NALF1: variants seen among roughly 807,000 people sequenced by gnomAD.
NALF1 encodes family with sequence similarity 155 member A.
In NALF1, 3 loss-of-function variants were observed where a neutral mutation model predicts 48.4. That is an observed-to-expected ratio of 0.06 (90% confidence interval 0.03 to 0.16). The LOEUF (loss-of-function observed/expected upper bound fraction) is 0.16, where lower values mean the gene tolerates loss of function less well. NALF1 is among the 10% of genes least tolerant of loss of function. The pLI is 1.00. For synonymous variants in NALF1, 262 were observed against 245.7 expected, an observed-to-expected ratio of 1.07 and a Z score of -0.62; for missense variants, 526 against 571.5, an observed-to-expected ratio of 0.92 and a Z score of 0.81.
At chr13:107,535,921 T>C (rs1429865052) in intron 1 of NALF1, among the ~76,000 whole-genome samples, 1 of 152,064 alleles carries the variant, frequency 6.6e-6, no homozygotes, top group East Asian at 1.9e-4. Context: ...GTAATAATAC[T>C]ACACATCTAC....
chr13:107,700,760 A>G (rs565739295), intron 1 of NALF1, among the ~76,000 whole-genome samples: 1 of 152,248 alleles, frequency 6.6e-6, no homozygotes, highest in East Asian at 1.9e-4. Context: ...CAAAATTTAT[A>G]AAGAACTCTT....
intron 1 of NALF1, among the ~76,000 whole-genome samples, chr13:107,702,744 T>G (rs1365949896): frequency 6.6e-6 from 1 of 152,138 alleles, no homozygotes; most frequent in African/African-American, 2.4e-5. Context: ...TCCCCCCATG[T>G]GTCCCTGTGT....
intron 1 of NALF1, among the ~76,000 whole-genome samples, chr13:107,303,124 G>A (rs949879895): frequency 1.3e-5 from 2 of 151,908 alleles, no homozygotes; most frequent in Non-Finnish European, 2.9e-5. Context: ...ATTTTTATTC[G>A]ACTTCCCTAA....
chr13:107,608,066 T>C (rs938484044), intron 1 of NALF1, among the ~76,000 whole-genome samples: 2 of 152,192 alleles, frequency 1.3e-5, no homozygotes, highest in South Asian at 2.1e-4. Flanking sequence ...ATTTCTCCCA[T>C]TAAAAGGTAA....
chr13:107,659,985 C>A (rs2138475803), intron 1 of NALF1, among the ~76,000 whole-genome samples: 1 of 151,826 alleles, frequency 6.6e-6, no homozygotes, highest in African/African-American at 2.4e-5. Flanking sequence ...CCTGCCTTGG[C>A]CTCCCAAAGT....
chr13:107,618,864 C>G (rs1251702419), intron 1 of NALF1, among the ~76,000 whole-genome samples: 1 of 152,130 alleles, frequency 6.6e-6, no homozygotes, highest in African/African-American at 2.4e-5. Flanking sequence ...TGGAGATGGG[C>G]TAAGATATAG....
intron 1 of NALF1, among the ~76,000 whole-genome samples, chr13:107,521,924 TACAC>T (rs894148949): frequency 3.7e-4 from 55 of 148,356 alleles, no homozygotes; most frequent in Admixed American, 1.8e-3. Context: ...TTCTTCAACT[TACAC>T]ACACACACAC....
At chr13:107,531,068 A>G (rs1472945757) in intron 1 of NALF1, 1 of 156,052 alleles carries the variant, frequency 6.4e-6, no homozygotes, top group Non-Finnish European at 1.5e-5. Context: ...GCATTCCTAT[A>G]TTAGGAATTA....
intron 1 of NALF1, among the ~76,000 whole-genome samples, chr13:107,834,635 C>T (rs1203566501): frequency 4.5e-4 from 68 of 152,108 alleles, no homozygotes; most frequent in Non-Finnish European, 4.4e-5. Context: ...GAAAAATTTA[C>T]TGTGATTTTT....
chr13:107,807,199 T>C (rs1240620684), intron 1 of NALF1, among the ~76,000 whole-genome samples: 3 of 152,196 alleles, frequency 2.0e-5, no homozygotes, highest in African/African-American at 7.2e-5. Context: ...TTATTCAGCT[T>C]CGTAAAAGTT....
chr13:107,282,314 C>T, intron 1 of NALF1, among the ~76,000 whole-genome samples: 1 of 152,158 alleles, frequency 6.6e-6, no homozygotes, highest in Admixed American at 6.5e-5. Flanking sequence ...GAATGTTATC[C>T]AGAGAGCAAA....
rs1878744598 is a variant in NALF1, at chr13:107,169,460, C to CTA, written c.*1035_*1036dup. ...TAATTACAATGGCCAAAATGTGCTC[C>CTA]TATATTACTGCAACAGAACAAAAAT... On this transcript the variant is annotated 3_prime_UTR_variant, in exon 3 of 3. Transcript: ENST00000375915. 6.6e-6 allele frequency: 1 copy of CTA among 152,024 alleles called. No individual in the cohort carries two copies. 9.4% of individuals were successfully genotyped at this position (152,024 alleles called of 1,614,324 possible). A position where few individuals can be genotyped will look rare whatever the true frequency, so the allele number is the denominator to read the frequency against.
rs919832587 is a variant in NALF1 at position 107,639,590 on chromosome 13, T to C, written c.915+226092A>G. 3.5e-5 allele frequency among the ~76,000 whole-genome samples: 5 copies of C among 143,098 alleles called. No homozygotes were observed. The Admixed American group carries it at 3.5e-4, about 10-fold the overall frequency. The allele number at this position is 143,098 out of a possible 152,430, so 93.9% of individuals were successfully genotyped here. A position where few individuals can be genotyped will look rare whatever the true frequency, so the allele number is the denominator to read the frequency against. On this transcript the variant is annotated intron_variant, in intron 1 of 2. Transcript: ENST00000375915. ...CTGTGCCCTGATTGCAGCCTGTGCA[T>C]AGCCCCATACCACTGTGTGTTTAGG...
At chr13:107,288,219 C>CTTTTTTTTTT (rs375800659) in intron 1 of NALF1, among the ~76,000 whole-genome samples, 2 of 125,134 alleles carry the variant, frequency 1.6e-5, no homozygotes, top group Non-Finnish European at 3.3e-5. Flanking sequence ...GATCTGAAGA[C>CTTTTTTTTTT]TTTTTTTTTT....
intron 1 of NALF1, among the ~76,000 whole-genome samples, chr13:107,661,521 A>G (rs938950781): frequency 1.3e-5 from 2 of 151,764 alleles, no homozygotes; most frequent in African/African-American, 4.9e-5. Context: ...AACTAGTAGC[A>G]CAGGTAACTA....
chr13:107,392,930 G>T (rs1014137578), intron 1 of NALF1, among the ~76,000 whole-genome samples: 1 of 152,040 alleles, frequency 6.6e-6, no homozygotes, highest in Admixed American at 6.6e-5. Flanking sequence ...TTCTGAGATT[G>T]CAAGAAGGAT....
At chr13:107,753,464 T>C (rs1038387572) in intron 1 of NALF1, among the ~76,000 whole-genome samples, 3 of 151,982 alleles carry the variant, frequency 2.0e-5, no homozygotes, top group African/African-American at 7.2e-5. Flanking sequence ...ATGTAAATAG[T>C]GTGTTTGGTC....
chr13:107,237,088 GGTTT>G (rs1482553793), intron 1 of NALF1, among the ~76,000 whole-genome samples: 5 of 49,120 alleles, frequency 1.0e-4, no homozygotes, highest in Non-Finnish European at 1.8e-4. Flanking sequence ...AACTGTATGT[GGTTT>G]TTTTTTTTTT....
intron 2 of NALF1, among the ~76,000 whole-genome samples, chr13:107,175,455 A>G (rs1878908107): frequency 6.6e-6 from 1 of 152,126 alleles, no homozygotes; most frequent in African/African-American, 2.4e-5. Context: ...GTTAGCATGC[A>G]TCAACTTTCT....
Sources: allele counts gnomAD v4.1 joint callset (sites outside exome capture counted in the v4.1 genomes callset), GRCh38; gene constraint gnomAD v4.1.1; transcripts MANE v1.5; gene names NCBI Gene and HGNC (gene_info 2026-07-23, HGNC 2026-07-21).